Variants in SORCS3 observed in about 807,000 individuals in gnomAD.
The protein encoded by SORCS3 is VPS10 domain-containing receptor SorCS3.
SORCS3 carries 57 observed loss-of-function variants against 146.3 expected under a neutral mutation model. The observed-to-expected ratio is 0.39, with a 90% CI of 0.31 to 0.49. The LOEUF is 0.49. Among genes scored for constraint, SORCS3 ranks in the 20% least tolerant of loss-of-function variants. SORCS3 has a pLI of 0.92. For synonymous variants in SORCS3, 653 were observed against 618.5 expected (o/e 1.06, Z -0.83); for missense variants, 1,341 against 1,575.5 (o/e 0.85, Z 2.52).
intron 1 of SORCS3, among the ~76,000 whole-genome samples, chr10:104,799,463 A>C (rs768924697): frequency 6.6e-6 from 1 of 151,896 alleles, no homozygotes; most frequent in Non-Finnish European, 1.5e-5. Context: ...CAAACACCAC[A>C]TGTTCTCAAT....
intron 1 of SORCS3, among the ~76,000 whole-genome samples, chr10:104,658,430 A>C (rs1168057910): frequency 6.6e-6 from 1 of 152,214 alleles, no homozygotes; most frequent in Non-Finnish European, 1.5e-5. Flanking sequence ...GAAACAGCAC[A>C]AGTCTCCTTT....
intron 4 of SORCS3, among the ~76,000 whole-genome samples, chr10:105,005,942 A>T (rs1026451358): frequency 1.3e-5 from 2 of 152,014 alleles, no homozygotes; most frequent in Non-Finnish European, 2.9e-5. Context: ...TCGCAGTTTA[A>T]TTCTTCAATT....
intron 1 of SORCS3, among the ~76,000 whole-genome samples, chr10:104,810,661 G>A (rs2017729998): frequency 6.6e-6 from 1 of 152,144 alleles, no homozygotes; most frequent in Admixed American, 6.5e-5. Flanking sequence ...TCTTAGAAGT[G>A]GAAATACTGG....
Position 104,837,755 on chromosome 10 carries a change from C to T in SORCS3, c.628-5037C>T, listed in dbSNP as rs116051149. On this transcript the variant is annotated intron_variant, in intron 1 of 26. Coordinates refer to ENST00000369701, the MANE Select transcript of SORCS3 (RefSeq NM_014978.3). ...ATTTCTAGTTCACATAAGAGGTACT[C>T]GGTAAATATTTGTGGAATTCATGAA... Among the ~76,000 whole-genome samples, 472 of 152,286 alleles carry T rather than the reference C, an allele frequency of 3.1e-3. 2 individuals are homozygous for T. Among genetic ancestry groups the T allele is most frequent in the South Asian group, 0.019 (92 of 4,820 alleles).
chr10:104,800,204 G>A (rs2017608766), intron 1 of SORCS3, among the ~76,000 whole-genome samples: 2 of 151,434 alleles, frequency 1.3e-5, no homozygotes, highest in South Asian at 2.1e-4. Flanking sequence ...ACTACTAAAT[G>A]AAAAAGCCAA....
rs377560118 is a variant in SORCS3, at chr10:105,157,229, G to A, written c.1574G>A (p.Arg525His). The A allele has an allele frequency of 6.2e-6, 10 of 1,614,068 alleles. No individual in the cohort carries two copies. The highest frequency in any genetic ancestry group is 8.5e-6 in the Non-Finnish European group (10 of 1,179,958). The part of the protein sequence containing the change: ...YITYNKGRDW[R>H]LLQAPDVDLR... ...ACTTACAACAAAGGCAGGGATTGGCGCCTGCTGCAAGCTCCGGATGTGGAC... is the reference window on the plus strand; with the variant it reads ...ACTTACAACAAAGGCAGGGATTGGCACCTGCTGCAAGCTCCGGATGTGGAC... The change falls in exon 10 of 27, where the codon CGC (arginine) becomes CAC (histidine). Residue 525 changes from arginine to histidine, a missense_variant. By Grantham distance (29) the Arg-to-His change is conservative. Coordinates refer to ENST00000369701, the MANE Select transcript of SORCS3 (RefSeq NM_014978.3).
At chr10:105,201,651 C>A (rs1223586545) in intron 16 of SORCS3, among the ~76,000 whole-genome samples, 3 of 152,178 alleles carry the variant, frequency 2.0e-5, no homozygotes, top group Non-Finnish European at 4.4e-5. Flanking sequence ...CTCTTGTTTC[C>A]TTTTTCTCCC....
chr10:105,240,808 C>A (rs542009157), intron 20 of SORCS3, among the ~76,000 whole-genome samples: 2 of 152,086 alleles, frequency 1.3e-5, no homozygotes, highest in South Asian at 4.2e-4. Flanking sequence ...AGCCCAGTCC[C>A]CCTTCTCAGT....
chr10:104,973,830 T>C lies in SORCS3; in HGVS notation c.796-3505T>C, dbSNP rs979120900. On this transcript the variant is annotated intron_variant, in intron 3 of 26. Coordinates refer to ENST00000369701, the MANE Select transcript of SORCS3 (RefSeq NM_014978.3). ...TCTTTCCTGCTTTCTCTTGTGGGCA[T>C]TTAGTGCTATAAATTTCCCTCTACA... Among the ~76,000 whole-genome samples, 48 of 147,394 alleles carry C rather than the reference T, an allele frequency of 3.3e-4. No individual in the cohort carries two copies. In the East Asian group the frequency reaches 3.7e-3, roughly 11 times the overall value.
At chr10:104,943,544 T>TA (rs1266874655) in intron 3 of SORCS3, among the ~76,000 whole-genome samples, 1 of 152,134 alleles carries the variant, frequency 6.6e-6, no homozygotes, top group Non-Finnish European at 1.5e-5. Flanking sequence ...TATAGAAGAC[T>TA]AAAAAAATTC....
intron 20 of SORCS3, among the ~76,000 whole-genome samples, chr10:105,237,970 A>G (rs1243464375): frequency 1.3e-5 from 2 of 152,220 alleles, no homozygotes; most frequent in Admixed American, 6.5e-5. Flanking sequence ...ATCCTGCTTT[A>G]TAATCAGACT....
intron 1 of SORCS3, among the ~76,000 whole-genome samples, chr10:104,696,335 G>T (rs62646910): frequency 0.1 from 187 of 1,798 alleles, 35 homozygotes; most frequent in Middle Eastern, 0.25. Flanking sequence ...ATACACATAT[G>T]ATATATGATA....
At chr10:105,085,211 T>A (rs1026648900) in intron 5 of SORCS3, among the ~76,000 whole-genome samples, 1 of 152,204 alleles carries the variant, frequency 6.6e-6, no homozygotes, top group Non-Finnish European at 1.5e-5. Context: ...CAAAGAATTA[T>A]CCAGCTCAAA....
intron 2 of SORCS3, among the ~76,000 whole-genome samples, chr10:104,889,017 T>C (rs1266771462): frequency 2.6e-5 from 4 of 152,260 alleles, no homozygotes; most frequent in Admixed American, 2.6e-4. Flanking sequence ...TCTGGAAAGA[T>C]TGATTACTTT....
At chr10:104,859,275 C>G (rs1314712123) in intron 2 of SORCS3, among the ~76,000 whole-genome samples, 2 of 152,108 alleles carry the variant, frequency 1.3e-5, no homozygotes, top group African/African-American at 4.8e-5. Flanking sequence ...ATATCTACAA[C>G]TATCTGATCT....
chr10:104,658,859 TG>T (rs2015666008), intron 1 of SORCS3, among the ~76,000 whole-genome samples: 1 of 152,090 alleles, frequency 6.6e-6, no homozygotes, highest in Non-Finnish European at 1.5e-5. Flanking sequence ...TTTTGTTTTT[TG>T]CTTTTGTTTT....
intron 1 of SORCS3, among the ~76,000 whole-genome samples, chr10:104,815,506 C>A (rs910447524): frequency 6.8e-6 from 1 of 147,632 alleles, no homozygotes; most frequent in African/African-American, 2.5e-5. Flanking sequence ...ATAACATTAT[C>A]GGGCACATTT....
intron 5 of SORCS3, among the ~76,000 whole-genome samples, chr10:105,063,007 C>G (rs546732983): frequency 3.3e-5 from 5 of 152,226 alleles, no homozygotes; most frequent in African/African-American, 4.8e-5. Context: ...GGGAAGTGAC[C>G]ATGAAGAAAC....
intron 16 of SORCS3, among the ~76,000 whole-genome samples, chr10:105,209,536 AAAAC>A (rs1009895129): frequency 9.2e-5 from 14 of 152,302 alleles, no homozygotes; most frequent in East Asian, 3.9e-4. Flanking sequence ...ATATTGGCCA[AAAAC>A]AAACAAACAA....
Sources: gnomAD v4.1 joint callset for allele counts (sites outside exome capture counted in the v4.1 genomes callset) on GRCh38, gnomAD v4.1.1 for gene constraint, MANE v1.5 for transcripts, NCBI Gene and HGNC (gene_info 2026-07-23, HGNC 2026-07-21) for gene names.